Variants in MAPK6 observed in about 807,000 individuals in gnomAD.
MAPK6 encodes mitogen-activated protein kinase 6.
Under a neutral mutation model 59.3 loss-of-function variants are expected in MAPK6, and 19 were observed. The ratio of observed to expected loss-of-function variants is 0.32; its 90% CI spans 0.22 to 0.47. The LOEUF is 0.47. MAPK6 is among the 20% of genes least tolerant of loss of function. MAPK6 has a pLI of 1.00. For missense variants in MAPK6, 724 were observed against 847.9 expected, an observed-to-expected ratio of 0.85 and a Z score of 1.81; for synonymous variants, 316 against 290.3, an observed-to-expected ratio of 1.09 and a Z score of -0.90.
At chr15:51,976,327 A>T (rs1247172385) in intron 1 of MAPK6, among the ~76,000 whole-genome samples, 1 of 151,584 alleles carries the variant, frequency 6.6e-6, no homozygotes, top group Non-Finnish European at 1.5e-5. Flanking sequence ...AAAAATTGAA[A>T]GCCAGAAAAT....
intron 3 of MAPK6, chr15:52,057,185 G>GT (rs2032016247): frequency 1.3e-5 from 2 of 152,140 alleles, no homozygotes; most frequent in Non-Finnish European, 2.9e-5. Flanking sequence ...TGTCTCTCCT[G>GT]TTAGAAGGAC....
chr15:52,000,381 G>C (rs1419979723), intron 2 of MAPK6, among the ~76,000 whole-genome samples: 1 of 152,124 alleles, frequency 6.6e-6, no homozygotes, highest in Non-Finnish European at 1.5e-5. Flanking sequence ...TTTTCTTCTA[G>C]GAGTTTTGTA....
chr15:52,046,207 T>C lies in MAPK6; in HGVS notation c.-254T>C. ...TTTCGTTAAATGTCTGCAGAGTTGC[T>C]GCCCCTTTCTTGAACTATGAGTACT... On this transcript the variant is annotated 5_prime_UTR_variant, in exon 2 of 6. Coordinates refer to ENST00000261845, the MANE Select transcript of MAPK6 (RefSeq NM_002748.4). 2.8e-6 allele frequency: 1 copy of C among 352,354 alleles called. No individual in the cohort carries two copies. Among genetic ancestry groups the C allele is most frequent in the Non-Finnish European group, 5.1e-6 (1 of 194,756 alleles). 21.8% of individuals were successfully genotyped at this position (352,354 alleles called of 1,614,324 possible). A position where few individuals can be genotyped will look rare whatever the true frequency, so the allele number is the denominator to read the frequency against.
At chr15:52,049,954 G>A (rs992835446) in intron 2 of MAPK6, 39 bp from the exon 3 acceptor site, 2 of 1,564,944 alleles carry the variant, frequency 1.3e-6, no homozygotes, top group Non-Finnish European at 1.8e-6. Context: ...CTGTTCTTCA[G>A]CTAAAGTAAA....
chr15:52,025,072 CT>C (rs1595979631), intron 1 of MAPK6, among the ~76,000 whole-genome samples: 1 of 151,998 alleles, frequency 6.6e-6, no homozygotes, highest in East Asian at 1.9e-4. Context: ...GAGACCCTGT[CT>C]CTACAAAATA....
intron 1 of MAPK6, 99 bp from the exon 2 acceptor site, chr15:52,045,731 G>A (rs1170417074): frequency 2.0e-5 from 3 of 152,746 alleles, no homozygotes; most frequent in South Asian, 2.1e-4. Flanking sequence ...TGTACCAGTA[G>A]TAGTTTATTG....
rs1006721862 is a variant in MAPK6 at position 51,978,589 on chromosome 15, A to G, written c.-879-4617A>G. Among the ~76,000 whole-genome samples, 6 of 151,952 alleles carry G rather than the reference A, an allele frequency of 3.9e-5. 1 individual carries two copies. The highest frequency in any genetic ancestry group is 2.6e-4 in the Admixed American group (4 of 15,262). ...TAGGTTTAGATCAGTTTGGGTCAGC[A>G]TTTGCCACCAAAATGAGTTATGAAA... On this transcript the variant is annotated intron_variant, in intron 1 of 7. Coordinates refer to the MAPK6 transcript ENST00000691380.
rs559173715 is a variant in MAPK6 at position 51,978,639 on chromosome 15, T to G, written c.-879-4567T>G. The stretch of plus-strand genomic sequence containing the variant: ...AGTACGCTCAATTTCAGAGATTTTT[T>G]GGGGGGATTACCTTATAACCCCATT... On this transcript the variant is annotated intron_variant, in intron 1 of 7. Coordinates refer to the MAPK6 transcript ENST00000691380. Among the ~76,000 whole-genome samples the G allele has an allele frequency of 1.3e-3, 191 of 151,810 alleles. 2 individuals are homozygous for G. The highest frequency in any genetic ancestry group is 2.2e-3 in the Non-Finnish European group (146 of 67,902).
upstream of MAPK6, among the ~76,000 whole-genome samples, chr15:52,016,606 C>G (rs915419346): frequency 6.6e-6 from 1 of 152,096 alleles, no homozygotes; most frequent in Non-Finnish European, 1.5e-5. Flanking sequence ...GGTAAACAGC[C>G]CTCTGTTCTA....
chr15:52,000,219 G>A (rs575620380), intron 2 of MAPK6, among the ~76,000 whole-genome samples: 12 of 152,246 alleles, frequency 7.9e-5, no homozygotes, highest in South Asian at 2.1e-4. Flanking sequence ...CACTACAGGC[G>A]TGAGCCACTG....
rs2032428599 is a variant in MAPK6, at chr15:52,066,630, T to C, written c.*1630T>C. 1 of 150,788 alleles carries C rather than the reference T, an allele frequency of 6.6e-6. No homozygotes were observed. Among genetic ancestry groups the C allele is most frequent in the Admixed American group, 6.6e-5 (1 of 15,082 alleles). 9.3% of individuals were successfully genotyped at this position (150,788 alleles called of 1,614,324 possible). A position where few individuals can be genotyped will look rare whatever the true frequency, so the allele number is the denominator to read the frequency against. The stretch of plus-strand genomic sequence containing the variant: ...TCTATTAATATCTGCCCACCTACCT[T>C]CTCAACAACTCCATCCTCTTCACCT... On this transcript the variant is annotated 3_prime_UTR_variant, in exon 6 of 6. Transcript: ENST00000261845.
intron 1 of MAPK6, among the ~76,000 whole-genome samples, chr15:51,977,944 T>C (rs748841253): frequency 1.3e-5 from 2 of 151,870 alleles, no homozygotes; most frequent in Non-Finnish European, 2.9e-5. Flanking sequence ...AAATGGGTGC[T>C]GTGGCATAGT....
chr15:52,055,924 T>C (rs937995468), intron 3 of MAPK6, among the ~76,000 whole-genome samples: 1 of 152,228 alleles, frequency 6.6e-6, no homozygotes, highest in African/African-American at 2.4e-5. Flanking sequence ...AGTAGCATAG[T>C]TTTACATTTA....
At chr15:52,055,412 A>G (rs971770269) in intron 3 of MAPK6, among the ~76,000 whole-genome samples, 2 of 152,226 alleles carry the variant, frequency 1.3e-5, no homozygotes, top group Non-Finnish European at 2.9e-5. Flanking sequence ...TCTTAGAACA[A>G]AAACAAATTT....
At chr15:52,062,433 C>T (rs2032239829) in intron 5 of MAPK6, among the ~76,000 whole-genome samples, 1 of 152,042 alleles carries the variant, frequency 6.6e-6, no homozygotes, top group African/African-American at 2.4e-5. Context: ...TAATGTTATC[C>T]ATATTTTGAT....
At chr15:52,027,764 T>G (rs1329327256) in intron 1 of MAPK6, 1 of 150,398 alleles carries the variant, frequency 6.6e-6, no homozygotes, top group African/African-American at 2.4e-5. Context: ...TTTATTTATT[T>G]ATTTATTTAT....
intron 3 of MAPK6, among the ~76,000 whole-genome samples, chr15:52,051,905 A>G (rs2031797242): frequency 6.6e-6 from 1 of 152,074 alleles, no homozygotes; most frequent in South Asian, 2.1e-4. Flanking sequence ...GATGTATGAT[A>G]GTTTTCTAAA....
chr15:52,062,824 A>G (rs947798068), intron 5 of MAPK6, among the ~76,000 whole-genome samples: 2 of 148,300 alleles, frequency 1.3e-5, no homozygotes, highest in African/African-American at 5.2e-5. Flanking sequence ...TCAGAGTAGG[A>G]TGGTAGCTTA....
chr15:51,984,218 G>A (rs2141809649), intron 2 of MAPK6, among the ~76,000 whole-genome samples: 2 of 152,200 alleles, frequency 1.3e-5, no homozygotes, highest in East Asian at 1.9e-4. Context: ...ATTGAAGAAA[G>A]GAGCATCATA....
Sources: allele counts gnomAD v4.1 joint callset (sites outside exome capture counted in the v4.1 genomes callset), GRCh38; gene constraint gnomAD v4.1.1; transcripts MANE v1.5; gene names NCBI Gene and HGNC (gene_info 2026-07-23, HGNC 2026-07-21).